MALRD1: variants seen among roughly 807,000 people sequenced by gnomAD.
MALRD1 encodes the protein MAM and LDL-receptor class A domain-containing protein 1.
MALRD1 carries 247 observed loss-of-function variants against 242.1 expected under a neutral mutation model. That is an observed-to-expected ratio of 1.02 (90% CI 0.92 to 1.13). MALRD1 has a LOEUF of 1.13. Ranked by LOEUF, MALRD1 falls within the 50% of genes most tolerant of loss-of-function variation. The pLI is 0.00. For missense variants in MALRD1, 2,989 were observed against 2,533.1 expected (o/e 1.18, Z -3.86); for synonymous variants, 995 against 866.6 (o/e 1.15, Z -2.60).
At chr10:19,661,174 T>G (rs1057161694) in intron 36 of MALRD1, among the ~76,000 whole-genome samples, 1 of 152,194 alleles carries the variant, frequency 6.6e-6, no homozygotes, top group African/African-American at 2.4e-5. Flanking sequence ...GGAACGCTTT[T>G]ACACTGTTGG....
At chr10:19,522,037 A>G (rs959176740) in intron 31 of MALRD1, among the ~76,000 whole-genome samples, 7 of 152,122 alleles carry the variant, frequency 4.6e-5, no homozygotes, top group African/African-American at 7.2e-5. Context: ...CCACTCATTT[A>G]CAACGCAACT....
intron 21 of MALRD1, among the ~76,000 whole-genome samples, chr10:19,292,619 G>T (rs1174334990): frequency 6.6e-6 from 1 of 151,948 alleles, no homozygotes; most frequent in African/African-American, 2.4e-5. Flanking sequence ...CAGGCCGGGC[G>T]GGGTGGTTCA....
chr10:19,144,161 A>T (rs957099780), intron 10 of MALRD1, among the ~76,000 whole-genome samples: 6 of 152,144 alleles, frequency 3.9e-5, no homozygotes, highest in South Asian at 2.1e-4. Flanking sequence ...AGGGAAATCC[A>T]TTTAGAGGGA....
intron 26 of MALRD1, among the ~76,000 whole-genome samples, chr10:19,367,405 T>C (rs1374493508): frequency 1.3e-5 from 2 of 152,138 alleles, no homozygotes; most frequent in African/African-American, 4.8e-5. Context: ...CTTAACATAA[T>C]GTCTTCAGTT....
At chr10:19,068,408 G>C (rs1449680496) in intron 2 of MALRD1, among the ~76,000 whole-genome samples, 2 of 151,868 alleles carry the variant, frequency 1.3e-5, no homozygotes, top group Non-Finnish European at 2.9e-5. Context: ...ACCATAGAAC[G>C]ATGTCATCTG....
intron 21 of MALRD1, among the ~76,000 whole-genome samples, chr10:19,313,436 T>TA (rs1186284561): frequency 6.6e-6 from 1 of 151,466 alleles, no homozygotes; most frequent in Non-Finnish European, 1.5e-5. Flanking sequence ...GCCTAAAATC[T>TA]AATTTACAAA....
At chr10:19,200,197 A>T (rs1391814807) in intron 14 of MALRD1, among the ~76,000 whole-genome samples, 2 of 152,172 alleles carry the variant, frequency 1.3e-5, no homozygotes, top group Non-Finnish European at 2.9e-5. Context: ...AAATAAGATG[A>T]TGTATGTATT....
intron 19 of MALRD1, among the ~76,000 whole-genome samples, chr10:19,277,046 A>C (rs3002464): frequency 0.99 from 150,442 of 152,178 alleles, 74,365 homozygotes; most frequent in Middle Eastern, 1. Flanking sequence ...TAGCCTCCCA[A>C]GTAGTTGGAA....
At chr10:19,635,288 T>C (rs1326483320) in intron 36 of MALRD1, among the ~76,000 whole-genome samples, 4 of 152,150 alleles carry the variant, frequency 2.6e-5, no homozygotes, top group African/African-American at 9.6e-5. Context: ...AAATCAGCAA[T>C]TGGAAAATAT....
At chr10:19,123,647 C>CATAT in intron 6 of MALRD1, 54 bp downstream of exon 6, 1 of 1,008,904 alleles carries the variant, frequency 9.9e-7, no homozygotes, top group Non-Finnish European at 1.3e-6. Flanking sequence ...ATATGTGAGA[C>CATAT]TCAGACCACT....
intron 14 of MALRD1, among the ~76,000 whole-genome samples, chr10:19,189,161 GAT>G: frequency 6.6e-6 from 1 of 152,144 alleles, no homozygotes; most frequent in South Asian, 2.1e-4. Context: ...AAGATTATAA[GAT>G]TAGAGTACCA....
At position 19,205,132 on chromosome 10, in the gene MALRD1, T is replaced by G. The variant is rs1295413681; in HGVS notation, c.2445T>G (p.Thr815=). ...ATGACATCCGATTTGAAAATTGTAC[T>G]CTCCCTCTTCCTGCTGAGAGCTGTG... is the stretch of plus-strand genomic sequence containing the variant. ...AIDDIRFENC[T]LPLPAESCEG... The change falls in exon 17 of 40, where the codon ACT becomes ACG. Residue 815 remains threonine, a synonymous_variant. Transcript: ENST00000454679. The G allele has an allele frequency of 1.3e-6, 2 of 1,550,762 alleles. No homozygotes were observed. The highest frequency in any genetic ancestry group is 2.0e-5 in the Admixed American group (1 of 50,982).
chr10:19,400,196 C>T (rs1431397632), intron 28 of MALRD1, among the ~76,000 whole-genome samples: 1 of 152,172 alleles, frequency 6.6e-6, no homozygotes, highest in East Asian at 1.9e-4. Context: ...TTCTTTCTAT[C>T]AGAAGTTGTA....
intron 18 of MALRD1, among the ~76,000 whole-genome samples, chr10:19,224,869 T>C (rs914222850): frequency 3.3e-5 from 5 of 152,220 alleles, no homozygotes; most frequent in African/African-American, 9.6e-5. Flanking sequence ...ATTTTGGCTT[T>C]TGTTGCCACT....
At chr10:19,097,175 C>T (rs1354080320) in intron 4 of MALRD1, among the ~76,000 whole-genome samples, 2 of 152,164 alleles carry the variant, frequency 1.3e-5, no homozygotes, top group Non-Finnish European at 2.9e-5. Flanking sequence ...TGATTTACTT[C>T]ATAATTCACT....
intron 31 of MALRD1, among the ~76,000 whole-genome samples, chr10:19,529,567 A>T: frequency 6.6e-6 from 1 of 151,774 alleles, no homozygotes; most frequent in African/African-American, 2.4e-5. Flanking sequence ...GAAAACAAAG[A>T]TTAAGGATAT....
intron 18 of MALRD1, among the ~76,000 whole-genome samples, chr10:19,240,222 A>G (rs1838698021): frequency 6.6e-6 from 1 of 151,994 alleles, no homozygotes; most frequent in Non-Finnish European, 1.5e-5. Context: ...GATTAAATTT[A>G]TCTGCAGATT....
At chr10:19,585,994 A>G (rs1314046796) in intron 33 of MALRD1, among the ~76,000 whole-genome samples, 1 of 152,012 alleles carries the variant, frequency 6.6e-6, no homozygotes, top group Non-Finnish European at 1.5e-5. Flanking sequence ...CATCGCTGAT[A>G]CCCTTTCTTC....
At chr10:19,393,546 T>C (rs542199518) in intron 28 of MALRD1, among the ~76,000 whole-genome samples, 91 of 149,392 alleles carry the variant, frequency 6.1e-4, no homozygotes, top group South Asian at 1.7e-3. Flanking sequence ...CCCGGGTTCA[T>C]GCCATTCTCC....
Sources: allele counts gnomAD v4.1 joint callset (sites outside exome capture counted in the v4.1 genomes callset), GRCh38; gene constraint gnomAD v4.1.1; transcripts MANE v1.5; gene names NCBI Gene and HGNC (gene_info 2026-07-23, HGNC 2026-07-21).